The following PLG variants were observed in gnomAD, a reference collection of about 807,000 sequenced individuals.
The protein encoded by PLG is plasminogen, also known as plasmin.
PLG carries 41 observed loss-of-function variants against 104.4 expected under a neutral mutation model. That is an observed-to-expected ratio of 0.39 (90% CI 0.31 to 0.51). The LOEUF (loss-of-function observed/expected upper bound fraction) is 0.51, where lower values mean the gene tolerates loss of function less well. Among genes scored for constraint, PLG ranks in the 20% least tolerant of loss-of-function variants. The pLI, the probability that PLG is intolerant of heterozygous loss-of-function variation, is 0.76. For synonymous variants in PLG, 337 were observed against 357.1 expected, an observed-to-expected ratio of 0.94 and a Z score of 0.63; for missense variants, 891 against 1,003.6, an observed-to-expected ratio of 0.89 and a Z score of 1.52.
At position 160,738,593 on chromosome 6, in the gene PLG, G is replaced by T; in HGVS notation, c.1858G>T (p.Ala620Ser). Residue 620 changes from alanine to serine, a missense_variant, in exon 15 of 19, where the codon GCT becomes TCT. Around this residue, in one of 2 missense-constraint regions of PLG, gnomAD observed 854 missense variants for 932.1 expected, o/e 0.92. Coordinates refer to ENST00000308192, the MANE Select transcript of PLG (RefSeq NM_000301.5). The surrounding 1 kb of genome is among the most constrained non-coding windows in gnomAD (Gnocchi z 6.8). ...GATATCCCCAGAGTGGGTGTTGACT[G>T]CTGCCCACTGCTTGGAGAAGTATGT... ...TLISPEWVLT[A>S]AHCLEKSPRP... is the part of the protein sequence containing the mutation. 6.2e-7 allele frequency: 1 copy of T among 1,605,652 alleles called. No individual in the cohort carries two copies. Among genetic ancestry groups the T allele is most frequent in the South Asian group, 1.1e-5 (1 of 90,914 alleles).
At position 160,751,091 on chromosome 6, in the gene PLG, G is replaced by A. The variant is rs1778392268; in HGVS notation, c.2126-1024G>A. 2.0e-5 allele frequency among the ~76,000 whole-genome samples: 3 copies of A among 152,226 alleles called. No individual in the cohort carries two copies. The South Asian group carries it at 6.2e-4, about 32-fold the overall frequency. On this transcript the variant is annotated intron_variant, in intron 17 of 18. Transcript: ENST00000308192. ...AATTGAAGACTCATACAAGTGAGGT[G>A]AAGTGATTGTTTTCTAGTGGCACGG...
rs1478937955 is a variant in PLG, at chr6:160,718,819, G to A, written c.1077G>A (p.Thr359=). Residue 359 remains threonine (T), a synonymous_variant, in exon 9 of 19, where the codon ACG becomes ACA. Coordinates refer to ENST00000308192, the MANE Select transcript of PLG (RefSeq NM_000301.5). ...IPSCDSSPVS[T]EQLAPTAPPE... ...CCTGTGACTCCTCCCCAGTATCCAC[G>A]GAACAATTGGCTCCCACAGGTAAGC... 1.2e-6 allele frequency: 2 copies of A among 1,613,730 alleles called. No homozygotes were observed. The highest frequency in any genetic ancestry group is 1.7e-5 in the Admixed American group (1 of 59,980).
Position 160,730,989 on chromosome 6 carries a change from G to T in PLG, c.1257-62G>T, listed in dbSNP as rs4252124. 1.8e-3 allele frequency: 2,663 copies of T among 1,508,888 alleles called. 48 individuals carry two copies. The African/African-American group carries it at 0.032, about 18-fold the overall frequency. The allele number at this position is 1,508,888 out of a possible 1,614,324, so 93.5% of individuals were successfully genotyped here. A position where few individuals can be genotyped will look rare whatever the true frequency, so the allele number is the denominator to read the frequency against. On this transcript the variant is annotated intron_variant, in intron 10 of 18. Transcript: ENST00000308192. ...ACTTTGTTAGAACAAAATGTAGAGG[G>T]TGCTGGGTGCCCCTGAATATTCTCC... is the stretch of plus-strand genomic sequence containing the variant.
At chr6:160,743,706 A>G (rs1299616056) in intron 17 of PLG, among the ~76,000 whole-genome samples, 1 of 152,116 alleles carries the variant, frequency 6.6e-6, no homozygotes, top group African/African-American at 2.4e-5. Flanking sequence ...GTTGAATAGG[A>G]GTGGTGAAAG....
rs1778447503 is a variant in PLG at position 160,753,719 on chromosome 6, G to A, written c.*658G>A. 6.6e-6 allele frequency among the ~76,000 whole-genome samples: 1 copy of A among 152,156 alleles called. No homozygotes were observed. The highest frequency in any genetic ancestry group is 2.4e-5 in the African/African-American group (1 of 41,432). On this transcript the variant is annotated 3_prime_UTR_variant, in exon 19 of 19. Coordinates refer to ENST00000308192, the MANE Select transcript of PLG (RefSeq NM_000301.5). This position sits in a 1 kb window ranked among gnomAD's most constrained non-coding sequence, Gnocchi z 5.4. ...CTGAATGTTATTCTGGGGCACACGT[G>A]AGTCTAGGATTGGTGCCAAGAGCAT... is the stretch of plus-strand genomic sequence containing the variant.
chr6:160,708,795 T>C (rs1777580271), intron 3 of PLG, among the ~76,000 whole-genome samples: 2 of 152,206 alleles, frequency 1.3e-5, no homozygotes, highest in African/African-American at 4.8e-5. Flanking sequence ...CATTGACTCA[T>C]CTTCCTGGGT....
rs1412649364 is a variant in PLG at position 160,740,405 on chromosome 6, T to G, written c.2019-906T>G. On this transcript the variant is annotated intron_variant, in intron 16 of 18. Transcript: ENST00000308192. The surrounding 1 kb of genome is among the most constrained non-coding windows in gnomAD (Gnocchi z 5.2). Reference sequence around the variant, plus strand: ...GGCTTGAACAAGTAATTTGGAAATTTTGGGTTTTGGAGGAGTTCTCTGATA... The same window carrying G: ...GGCTTGAACAAGTAATTTGGAAATTGTGGGTTTTGGAGGAGTTCTCTGATA... Among the ~76,000 whole-genome samples, 1 of 152,100 alleles carries G rather than the reference T, an allele frequency of 6.6e-6. No homozygotes were observed. Among genetic ancestry groups the G allele is most frequent in the African/African-American group, 2.4e-5 (1 of 41,394 alleles).
intron 1 of PLG, among the ~76,000 whole-genome samples, chr6:160,703,361 TG>T (rs1777457691): frequency 6.6e-6 from 1 of 152,230 alleles, no homozygotes; most frequent in African/African-American, 2.4e-5. Context: ...TTGAGAGTTG[TG>T]CAGCCACCAT....
At chr6:160,748,760 A>G (rs1351141907) in intron 17 of PLG, among the ~76,000 whole-genome samples, 1 of 152,212 alleles carries the variant, frequency 6.6e-6, no homozygotes, top group Admixed American at 6.5e-5. Flanking sequence ...GACCCTGTCC[A>G]TTATTCTTGG....
intron 12 of PLG, among the ~76,000 whole-genome samples, chr6:160,733,153 G>T (rs773821014): frequency 6.6e-6 from 1 of 152,184 alleles, no homozygotes; most frequent in African/African-American, 2.4e-5. Context: ...GAACTGGGGG[G>T]CAGAGACCAA....
rs1425598431 is a variant in PLG at position 160,711,921 on chromosome 6, CA to C, written c.407+731del. 12 of 1,328,314 alleles carry C rather than the reference CA, an allele frequency of 9.0e-6. No homozygotes were observed. The African/African-American group carries it at 1.4e-4, about 15-fold the overall frequency. The allele number at this position is 1,328,314 out of a possible 1,614,324, so 82.3% of individuals were successfully genotyped here. A position where few individuals can be genotyped will look rare whatever the true frequency, so the allele number is the denominator to read the frequency against. Reference sequence around the variant, plus strand: ...AACTTGCCTATTATTTATTTTAGTGCATTTTTTTGTACTTTTCCCAGTTTGG... The same window carrying C: ...AACTTGCCTATTATTTATTTTAGTGCTTTTTTTGTACTTTTCCCAGTTTGG... On this transcript the variant is annotated intron_variant, in intron 4 of 18. Coordinates refer to ENST00000308192, the MANE Select transcript of PLG (RefSeq NM_000301.5).
At chr6:160,733,003 C>A (rs994641955) in intron 12 of PLG, among the ~76,000 whole-genome samples, 2 of 152,144 alleles carry the variant, frequency 1.3e-5, no homozygotes, top group African/African-American at 2.4e-5. Flanking sequence ...CAGTTCCAAC[C>A]CTGCAATCAC....
At chr6:160,730,865 C>G in intron 10 of PLG, 186 bp from the exon 11 acceptor site, 1 of 587,768 alleles carries the variant, frequency 1.7e-6, no homozygotes, top group East Asian at 2.9e-5. Flanking sequence ...TAAAATCTGT[C>G]TTTGAAATGT....
At chr6:160,713,681 A>C (rs1777683229) in intron 5 of PLG, among the ~76,000 whole-genome samples, 3 of 152,224 alleles carry the variant, frequency 2.0e-5, no homozygotes, top group Non-Finnish European at 2.9e-5. Context: ...TGTTAACCCC[A>C]AGACAGGTTT....
intron 17 of PLG, among the ~76,000 whole-genome samples, chr6:160,748,350 G>GAGAAACAA (rs1554252936): frequency 1.2e-4 from 6 of 49,434 alleles, no homozygotes; most frequent in African/African-American, 4.2e-4. Context: ...AGAAAAGAAA[G>GAGAAACAA]AGAAAGAAAG....
chr6:160,737,062 A>T lies in PLG; in HGVS notation c.1802+55A>T. On this transcript the variant is annotated intron_variant, in intron 14 of 18. Coordinates refer to ENST00000308192, the MANE Select transcript of PLG (RefSeq NM_000301.5). The surrounding 1 kb of genome is among the most constrained non-coding windows in gnomAD (Gnocchi z 4.7). Reference sequence around the variant, plus strand: ...TGTCCCTCCACGTAAGCCCTGCAAAACCCTTCTACATTTACATAAAATCCA... The same window carrying T: ...TGTCCCTCCACGTAAGCCCTGCAAATCCCTTCTACATTTACATAAAATCCA... The T allele has an allele frequency of 6.2e-7, 1 of 1,606,958 alleles. No individual in the cohort carries two copies. The highest frequency in any genetic ancestry group is 8.5e-7 in the Non-Finnish European group (1 of 1,176,862).
rs1048361975 is a variant in PLG, at chr6:160,726,783, G to A, written c.1256+4216G>A. On this transcript the variant is annotated intron_variant, in intron 10 of 18. Transcript: ENST00000308192. This position sits in a 1 kb window ranked among gnomAD's most constrained non-coding sequence, Gnocchi z 4.4. ...TCATAGTATATATTACAAAATGAAA[G>A]CTCTTTAGGGTCCCCAATACTTTTT... Among the ~76,000 whole-genome samples, 2 of 151,890 alleles carry A rather than the reference G, an allele frequency of 1.3e-5. No individual in the cohort carries two copies. Among genetic ancestry groups the A allele is most frequent in the African/African-American group, 4.8e-5 (2 of 41,388 alleles).
Position 160,753,835 on chromosome 6 carries a change from C to T in PLG, c.*774C>T, listed in dbSNP as rs1469283926. Among the ~76,000 whole-genome samples the T allele has an allele frequency of 6.6e-6, 1 of 152,122 alleles. No individual in the cohort carries two copies. Among genetic ancestry groups the T allele is most frequent in the African/African-American group, 2.4e-5 (1 of 41,408 alleles). ...GTTTTGAAACAGTCTGCAGTACACA[C>T]GGTCACAGGAGAATGACCTGTGGGA... On this transcript the variant is annotated 3_prime_UTR_variant, in exon 19 of 19. Transcript: ENST00000308192. This position sits in a 1 kb window ranked among gnomAD's most constrained non-coding sequence, Gnocchi z 5.4.
rs774484989 is a variant in PLG at position 160,739,148 on chromosome 6, A to G, written c.1958A>G (p.Glu653Gly). Residue 653 changes from glutamate to glycine, a missense_variant, in exon 16 of 19, where the codon GAA becomes GGA. By Grantham distance (98) the Glu-to-Gly change is moderately conservative (BLOSUM62 -2). Around this residue, in one of 2 missense-constraint regions of PLG, gnomAD observed 854 missense variants for 932.1 expected, o/e 0.92. Transcript: ENST00000308192. This position sits in a 1 kb window ranked among gnomAD's most constrained non-coding sequence, Gnocchi z 4.4. ...VNLEPHVQEIEVSRLFLEPTR... is the reference protein window; with the variant it reads ...VNLEPHVQEIGVSRLFLEPTR... ...CTCGAACCGCATGTTCAGGAAATAG[A>G]AGTGTCTAGGCTGTTCTTGGAGCCC... 2 of 1,614,140 alleles carry G rather than the reference A, an allele frequency of 1.2e-6. No homozygotes were observed. The highest frequency in any genetic ancestry group is 1.7e-6 in the Non-Finnish European group (2 of 1,180,000).
Sources: gnomAD v4.1 joint callset for allele counts (sites outside exome capture counted in the v4.1 genomes callset) on GRCh38, gnomAD v4.1.1 for gene constraint, gnomAD v4.1.1 regional missense constraint, Gnocchi (gnomAD v3.1) non-coding constraint, MANE v1.5 for transcripts, NCBI Gene and HGNC (gene_info 2026-07-23, HGNC 2026-07-21) for gene names.